The following CNTN4 variants were observed in gnomAD, a reference collection of about 807,000 sequenced individuals.
The protein encoded by CNTN4 is contactin 4.
In CNTN4, 77 loss-of-function variants were observed where a neutral mutation model predicts 122.5. That is an observed-to-expected ratio of 0.63 (90% CI 0.52 to 0.76). The LOEUF (loss-of-function observed/expected upper bound fraction) is 0.76, where lower values mean the gene tolerates loss of function less well. CNTN4 is among the 30% of genes least tolerant of loss of function. The pLI, the probability that CNTN4 is intolerant of heterozygous loss-of-function variation, is 0.00. For synonymous variants in CNTN4, 512 were observed against 447.0 expected (o/e 1.15, Z -1.83); for missense variants, 1,256 against 1,259.1 (o/e 1.00, Z 0.04).
At chr3:2,331,661 A>G (rs927594284) in intron 2 of CNTN4, among the ~76,000 whole-genome samples, 4 of 152,046 alleles carry the variant, frequency 2.6e-5, no homozygotes, top group African/African-American at 9.7e-5. Flanking sequence ...CAAGCTAAGG[A>G]ACTCGGGAAT....
At chr3:3,005,926 C>T (rs1378242052) in intron 14 of CNTN4, among the ~76,000 whole-genome samples, 2 of 149,744 alleles carry the variant, frequency 1.3e-5, no homozygotes, top group Admixed American at 6.6e-5. Context: ...CACTGTGTCG[C>T]CCAGGCTGGA....
intron 2 of CNTN4, among the ~76,000 whole-genome samples, chr3:2,109,267 G>A (rs1172856162): frequency 1.3e-5 from 2 of 151,972 alleles, no homozygotes; most frequent in Non-Finnish European, 2.9e-5. Flanking sequence ...AATAAAAGTG[G>A]CGCATTTGGG....
chr3:3,016,421 C>A (rs1265081361), intron 14 of CNTN4, among the ~76,000 whole-genome samples: 1 of 152,118 alleles, frequency 6.6e-6, no homozygotes, highest in Non-Finnish European at 1.5e-5. Context: ...AGAAAGACTT[C>A]CCAGATGAGA....
chr3:2,148,435 C>T lies in CNTN4; in HGVS notation c.-145+47796C>T, dbSNP rs146615458. On this transcript the variant is annotated intron_variant, in intron 2 of 24. Transcript: ENST00000418658. ...CTGTAGTCCCAGCTACTCAGATGGCCGGGGTAGAAATCACTTGAGCTCAGA... is the reference window on the plus strand; with the variant it reads ...CTGTAGTCCCAGCTACTCAGATGGCTGGGGTAGAAATCACTTGAGCTCAGA... 2.0e-3 allele frequency among the ~76,000 whole-genome samples: 309 copies of T among 150,936 alleles called. 1 individual carries two copies. Among genetic ancestry groups the T allele is most frequent in the African/African-American group, 5.1e-3 (209 of 41,128 alleles).
chr3:2,507,156 T>A (rs1032901166), intron 3 of CNTN4, among the ~76,000 whole-genome samples: 2 of 152,100 alleles, frequency 1.3e-5, no homozygotes, highest in Non-Finnish European at 2.9e-5. Context: ...AGCACTCAGT[T>A]CTTCGGTATT....
chr3:2,887,078 A>G lies in CNTN4; in HGVS notation c.794A>G (p.Lys265Arg), dbSNP rs778703175. 6.2e-7 allele frequency: 1 copy of G among 1,614,126 alleles called. No individual in the cohort carries two copies. Residue 265 changes from lysine to arginine, a missense_variant, in exon 10 of 25, where the codon AAG becomes AGG. By Grantham distance (26) the Lys-to-Arg change is conservative. Transcript: ENST00000418658. ...PTIIWRRADGKPIARKARRHK... is the reference protein window; with the variant it reads ...PTIIWRRADGRPIARKARRHK... ...ATTATCTGGCGAAGAGCTGATGGAAAGCCAATAGCAAGGAAAGCCAGAAGA... is the reference window on the plus strand; with the variant it reads ...ATTATCTGGCGAAGAGCTGATGGAAGGCCAATAGCAAGGAAAGCCAGAAGA...
At chr3:2,608,045 G>GT (rs1219759227) in intron 4 of CNTN4, among the ~76,000 whole-genome samples, 1 of 151,994 alleles carries the variant, frequency 6.6e-6, no homozygotes, top group African/African-American at 2.4e-5. Flanking sequence ...TAATTTAGAC[G>GT]TTTAGGTTAA....
intron 3 of CNTN4, among the ~76,000 whole-genome samples, chr3:2,497,258 C>T (rs779440852): frequency 6.6e-6 from 1 of 152,154 alleles, no homozygotes; most frequent in Non-Finnish European, 1.5e-5. Context: ...TCACTACAAC[C>T]TTTAATGGAC....
At chr3:2,321,551 C>T (rs1011488198) in intron 2 of CNTN4, among the ~76,000 whole-genome samples, 4 of 151,872 alleles carry the variant, frequency 2.6e-5, no homozygotes, top group South Asian at 2.1e-4. Context: ...TTGTCACTTT[C>T]AATCACTTGG....
intron 4 of CNTN4, among the ~76,000 whole-genome samples, chr3:2,697,610 T>C (rs912621471): frequency 3.9e-5 from 6 of 152,214 alleles, no homozygotes; most frequent in Non-Finnish European, 8.8e-5. Flanking sequence ...TCTTTGCAAT[T>C]ATATCAGACA....
chr3:2,636,978 C>G (rs79352166), intron 4 of CNTN4, among the ~76,000 whole-genome samples: 3,403 of 127,254 alleles, frequency 0.027, 59 homozygotes, highest in South Asian at 0.079. Context: ...CACTCTGTCA[C>G]CTAGTCTGGA....
intron 3 of CNTN4, among the ~76,000 whole-genome samples, chr3:2,393,457 C>T (rs1368277100): frequency 2.0e-5 from 3 of 151,986 alleles, no homozygotes; most frequent in Admixed American, 6.6e-5. Context: ...ATCAGTCATT[C>T]CTTTTTAGTA....
chr3:2,283,025 G>A (rs1397201615), intron 2 of CNTN4, among the ~76,000 whole-genome samples: 2 of 152,110 alleles, frequency 1.3e-5, no homozygotes, highest in Non-Finnish European at 2.9e-5. Flanking sequence ...TGCTTAATGG[G>A]TATGGAGTTT....
At chr3:2,265,052 A>T (rs2040987981) in intron 2 of CNTN4, among the ~76,000 whole-genome samples, 1 of 151,978 alleles carries the variant, frequency 6.6e-6, no homozygotes, top group African/African-American at 2.4e-5. Flanking sequence ...CCATTGTATC[A>T]TTCTTATGCC....
intron 13 of CNTN4, among the ~76,000 whole-genome samples, chr3:2,977,242 A>C (rs1445871399): frequency 6.6e-6 from 1 of 152,186 alleles, no homozygotes; most frequent in Non-Finnish European, 1.5e-5. Context: ...TTAGAATACC[A>C]TAGGTTGCCA....
intron 4 of CNTN4, among the ~76,000 whole-genome samples, chr3:2,579,789 G>A (rs1432207181): frequency 6.6e-6 from 1 of 152,104 alleles, no homozygotes; most frequent in Non-Finnish European, 1.5e-5. Context: ...TAATGTTTAT[G>A]TTAAATGTTA....
intron 3 of CNTN4, among the ~76,000 whole-genome samples, chr3:2,374,125 A>G (rs1355813223): frequency 6.6e-6 from 1 of 152,202 alleles, no homozygotes; most frequent in Non-Finnish European, 1.5e-5. Flanking sequence ...GTGCTGATCT[A>G]ACTCAGTAAA....
At chr3:2,270,359 C>T (rs1171118933) in intron 2 of CNTN4, among the ~76,000 whole-genome samples, 2 of 151,848 alleles carry the variant, frequency 1.3e-5, no homozygotes, top group Non-Finnish European at 2.9e-5. Flanking sequence ...ATTTTGTCAC[C>T]CAGGTACTAA....
intron 2 of CNTN4, among the ~76,000 whole-genome samples, chr3:2,138,280 C>A (rs958458058): frequency 6.6e-6 from 1 of 152,054 alleles, no homozygotes; most frequent in Non-Finnish European, 1.5e-5. Context: ...GTTGGCCAGG[C>A]TGGTCTTGAA....
Sources: gnomAD v4.1 joint callset for allele counts (sites outside exome capture counted in the v4.1 genomes callset) on GRCh38, gnomAD v4.1.1 for gene constraint, MANE v1.5 for transcripts, NCBI Gene and HGNC (gene_info 2026-07-23, HGNC 2026-07-21) for gene names.